The following MYOM2 variants were observed in gnomAD, a reference collection of about 807,000 sequenced individuals.
The protein encoded by MYOM2 is myomesin 2.
MYOM2 carries 254 observed loss-of-function variants against 187.6 expected under a neutral mutation model. The ratio of observed to expected loss-of-function variants is 1.35; its 90% CI spans 1.22 to 1.50. MYOM2 has a LOEUF of 1.50. MYOM2 is among the 40% of genes most tolerant of loss of function. MYOM2 has a pLI of 0.00. For missense variants in MYOM2, 2,796 were observed against 1,924.0 expected, an observed-to-expected ratio of 1.45 and a Z score of -8.48; for synonymous variants, 981 against 753.8, an observed-to-expected ratio of 1.30 and a Z score of -4.94.
chr8:2,110,511 C>T (rs895634472), intron 25 of MYOM2, among the ~76,000 whole-genome samples: 4 of 152,130 alleles, frequency 2.6e-5, no homozygotes, highest in African/African-American at 7.2e-5. Context: ...GCCTGGGACC[C>T]GGTTAAAGGA....
At chr8:2,056,789 G>C (rs1818680592) in intron 3 of MYOM2, among the ~76,000 whole-genome samples, 2 of 152,120 alleles carry the variant, frequency 1.3e-5, no homozygotes, top group South Asian at 4.1e-4. Context: ...TAGCCCAGTA[G>C]CACCTAACAG....
rs199912698 is a variant in MYOM2 at position 2,085,310 on chromosome 8, A to C, written c.1564A>C (p.Ile522Leu). ...GPPTGVHASE[I>L]SRNYVVLSWE... ...TCCCACCGGTGTGCACGCTTCCGAG[A>C]TCAGCAGAAACTATGTCGTCCTCAG... Residue 522 changes from isoleucine to leucine, a missense_variant, in exon 14 of 37, where the codon ATC (isoleucine) becomes CTC (leucine). Coordinates refer to ENST00000262113, the MANE Select transcript of MYOM2 (RefSeq NM_003970.4). 34 of 1,613,966 alleles carry C rather than the reference A, an allele frequency of 2.1e-5. No homozygotes were observed. Among genetic ancestry groups the C allele is most frequent in the Non-Finnish European group, 2.7e-5 (32 of 1,180,006 alleles).
intron 2 of MYOM2, 46 bp downstream of exon 2, chr8:2,050,919 G>C (rs1174966441): frequency 6.9e-7 from 1 of 1,446,736 alleles, no homozygotes; most frequent in Admixed American, 1.7e-5. Flanking sequence ...TTGATTATGG[G>C]GGTCTGACAT....
chr8:2,141,035 T>G, intron 33 of MYOM2, 106 bp from the exon 34 acceptor site: 1 of 1,336,508 alleles, frequency 7.5e-7, no homozygotes, highest in Admixed American at 2.4e-5. Context: ...TATTCTTTTT[T>G]TATATATCAG....
At chr8:2,089,015 G>A (rs959545282) in intron 14 of MYOM2, among the ~76,000 whole-genome samples, 5 of 151,982 alleles carry the variant, frequency 3.3e-5, no homozygotes, top group Non-Finnish European at 5.9e-5. Flanking sequence ...CACCACAAAC[G>A]CCCGGGGCAG....
At position 2,104,442 on chromosome 8, in the gene MYOM2, A is replaced by T. The variant is rs545987851; in HGVS notation, c.2734+1661A>T. ...ACAGTGAAACCCCGTCTCTACTAAA[A>T]AATACAAAAAGAATTAGCTGGGCAT... is the stretch of plus-strand genomic sequence containing the variant. On this transcript the variant is annotated intron_variant, in intron 21 of 36. Transcript: ENST00000262113. Among the ~76,000 whole-genome samples the T allele has an allele frequency of 1.6e-4, 24 of 152,156 alleles. No individual in the cohort carries two copies. In the South Asian group the frequency reaches 5.0e-3, roughly 32 times the overall value.
At chr8:2,086,335 C>CTACTGTCATGATCTCCGCGTGGCCACA (rs1796047628) in intron 14 of MYOM2, among the ~76,000 whole-genome samples, 4 of 81,788 alleles carry the variant, frequency 4.9e-5, no homozygotes, top group Non-Finnish European at 9.5e-5. Flanking sequence ...GCGTGGCCCC[C>CTACTGTCATGATCTCCGCGTGGCCACA]CACTGTTGTG....
intron 11 of MYOM2, 24 bp downstream of exon 11, chr8:2,076,306 G>C (rs1360426996): frequency 6.2e-7 from 1 of 1,611,032 alleles, no homozygotes; most frequent in Admixed American, 1.7e-5. Context: ...ATTCTCCCGG[G>C]GATGGGAACG....
intron 18 of MYOM2, chr8:2,097,022 C>G (rs1226338554): frequency 3.1e-6 from 2 of 653,762 alleles, no homozygotes; most frequent in Non-Finnish European, 3.8e-6. Context: ...GCCCTTGACC[C>G]CTCATCTGAG....
intron 6 of MYOM2, among the ~76,000 whole-genome samples, chr8:2,065,386 T>C (rs1818984074): frequency 6.6e-6 from 1 of 152,110 alleles, no homozygotes; most frequent in African/African-American, 2.4e-5. Context: ...CTGAGCAACA[T>C]GGTGAAACCC....
intron 8 of MYOM2, among the ~76,000 whole-genome samples, chr8:2,072,071 G>C (rs1333529564): frequency 6.6e-6 from 1 of 152,184 alleles, no homozygotes; most frequent in Non-Finnish European, 1.5e-5. Flanking sequence ...CCATGCTGTG[G>C]GGCGGTGACA....
At chr8:2,064,449 T>G (rs1257911238) in intron 6 of MYOM2, among the ~76,000 whole-genome samples, 1 of 152,180 alleles carries the variant, frequency 6.6e-6, no homozygotes, top group Non-Finnish European at 1.5e-5. Flanking sequence ...GCCACCGCCG[T>G]CGTCAGTGGG....
At position 2,052,248 on chromosome 8, in the gene MYOM2, C is replaced by A. The variant is rs746368106; in HGVS notation, c.198C>A (p.Thr66=). ...RASSQTSLGG[T]ICRVCAKRVS... ...CCAGCCAGACGTCCCTGGGAGGAAC[C>A]ATCTGCAGGGTCTGTGCGAAGCGAG... The change falls in exon 3 of 37, where the codon ACC becomes ACA. Residue 66 remains threonine (T), a synonymous_variant. Transcript: ENST00000262113. 15 of 1,613,204 alleles carry A rather than the reference C, an allele frequency of 9.3e-6. 1 individual carries two copies. The highest frequency in any genetic ancestry group is 4.5e-5 in the East Asian group (2 of 44,854).
intron 35 of MYOM2, among the ~76,000 whole-genome samples, chr8:2,142,968 C>A (rs3779814): frequency 0.12 from 17,590 of 151,828 alleles, 1,254 homozygotes; most frequent in East Asian, 0.18. Context: ...GTTGGCCAGG[C>A]TGGTCTCTAA....
intron 18 of MYOM2, 37 bp downstream of exon 18, chr8:2,096,471 G>A: frequency 6.3e-7 from 1 of 1,596,852 alleles, no homozygotes; most frequent in South Asian, 1.1e-5. Flanking sequence ...ATTTTTGCCT[G>A]GGTGGTTCTT....
At chr8:2,053,386 G>A (rs1027883593) in intron 3 of MYOM2, among the ~76,000 whole-genome samples, 2 of 152,220 alleles carry the variant, frequency 1.3e-5, no homozygotes, top group African/African-American at 2.4e-5. Flanking sequence ...AGATTTTTAT[G>A]TATTGGATTA....
chr8:2,122,674 T>C (rs1052636500), intron 28 of MYOM2, among the ~76,000 whole-genome samples: 1 of 152,196 alleles, frequency 6.6e-6, no homozygotes, highest in Non-Finnish European at 1.5e-5. Flanking sequence ...CTCAGACCAA[T>C]GCCGGAGCAT....
chr8:2,118,218 G>A (rs973458709), intron 28 of MYOM2, among the ~76,000 whole-genome samples: 18 of 152,130 alleles, frequency 1.2e-4, no homozygotes, highest in African/African-American at 3.1e-4. Flanking sequence ...TTACTTAAAC[G>A]ATTATTAAGT....
chr8:2,069,867 C>G (rs1435885530), intron 8 of MYOM2, among the ~76,000 whole-genome samples: 3 of 152,322 alleles, frequency 2.0e-5, no homozygotes, highest in South Asian at 4.1e-4. Context: ...AGAGACACAT[C>G]CAAATTCTTG....
Sources: allele counts gnomAD v4.1 joint callset (sites outside exome capture counted in the v4.1 genomes callset), GRCh38; gene constraint gnomAD v4.1.1; transcripts MANE v1.5; gene names NCBI Gene and HGNC (gene_info 2026-07-23, HGNC 2026-07-21).